Variants in LDHD observed in about 807,000 individuals in gnomAD.
LDHD encodes the protein lactate dehydrogenase D, also known as D-lactate dehydrogenase, mitochondrial.
A neutral mutation model predicts 52.9 loss-of-function variants in LDHD; 58 were observed. The ratio of observed to expected loss-of-function variants is 1.10; its 90% CI spans 0.89 to 1.36. The LOEUF is 1.36. Among genes scored for constraint, LDHD ranks in the 40% most tolerant of loss-of-function variants. LDHD has a pLI of 0.00. For missense variants in LDHD, 747 were observed against 668.0 expected (o/e 1.12, Z -1.30); for synonymous variants, 350 against 288.6 (o/e 1.21, Z -2.16).
chr16:75,113,049 C>A, intron 8 of LDHD, 125 bp from the exon 9 acceptor site: 1 of 700,884 alleles, frequency 1.4e-6, no homozygotes, highest in East Asian at 2.7e-5. Context: ...AGGAAATAAT[C>A]CTGCTCTTCT....
In LDHD at chr16:75,113,525, C is replaced by T. The variant is rs373842639; in HGVS notation, c.1086+10G>A. 1.9e-6 allele frequency: 3 copies of T among 1,601,112 alleles called. No homozygotes were observed. Among genetic ancestry groups the T allele is most frequent in the Non-Finnish European group, 1.7e-6 (2 of 1,174,416 alleles). On this transcript the variant is annotated intron_variant, in intron 8 of 10. Coordinates refer to ENST00000450168, the MANE Select transcript of LDHD (RefSeq NM_194436.3). ...CTGTGGGCCCCATCTGTACCCCAGC[C>T]CCAGCTCACCTTGCAGCCTGGCCGC...
At chr16:75,116,332 G>C (rs191964354) in intron 1 of LDHD, among the ~76,000 whole-genome samples, 1 of 152,222 alleles carries the variant, frequency 6.6e-6, no homozygotes, top group Non-Finnish European at 1.5e-5. Context: ...TTACAGATGA[G>C]AAATGGAGGC....
chr16:75,114,667 G>A lies in LDHD; in HGVS notation c.488C>T (p.Ser163Phe). The A allele has an allele frequency of 6.5e-7, 1 of 1,533,506 alleles. No individual in the cohort carries two copies. The highest frequency in any genetic ancestry group is 1.2e-5 in the South Asian group (1 of 84,104). 95.0% of individuals were successfully genotyped at this position (1,533,506 alleles called of 1,614,324 possible). A position where few individuals can be genotyped will look rare whatever the true frequency, so the allele number is the denominator to read the frequency against. Residue 163 changes from serine (S) to phenylalanine (F), a missense_variant, in exon 5 of 11, where the codon TCT becomes TTT. Ser to Phe is a radical substitution (Grantham distance 155, BLOSUM62 -2). Coordinates refer to ENST00000450168, the MANE Select transcript of LDHD (RefSeq NM_194436.3). ...WFPVDPGADA[S>F]LCGMAATGAS... ...CCCGGTGGCCGCCATGCCACAGAGAGAGGCGTCCGCGCCTGGGTCTGGAGG... is the reference window on the plus strand; with the variant it reads ...CCCGGTGGCCGCCATGCCACAGAGAAAGGCGTCCGCGCCTGGGTCTGGAGG...
rs746140325 is a variant in LDHD, at chr16:75,112,384, C to T, written c.1427G>A (p.Gly476Asp). The change falls in exon 11 of 11, where the codon GGC becomes GAC. Residue 476 changes from glycine to aspartate, a missense_variant. Transcript: ENST00000450168. ...RQLKAVLDPQ[G>D]LMNPGKVL ...CAGCACTTTGCCTGGATTCATGAGG[C>T]CTTGGGGGTCTAGCACGGCCTTGAG... The T allele has an allele frequency of 1.9e-6, 3 of 1,613,254 alleles. No individual in the cohort carries two copies. Among genetic ancestry groups the T allele is most frequent in the East Asian group, 4.5e-5 (2 of 44,874 alleles).
At chr16:75,114,213 G>A (rs763648113) in intron 5 of LDHD, 48 bp from the exon 6 acceptor site, 2 of 1,602,492 alleles carry the variant, frequency 1.2e-6, no homozygotes, top group Non-Finnish European at 8.5e-7. Flanking sequence ...TGTGATGAGG[G>A]ATTTCTGGCC....
Position 75,112,584 on chromosome 16 carries a change from C to A in LDHD, c.1289+18G>T. 6.2e-7 allele frequency: 1 copy of A among 1,613,948 alleles called. No homozygotes were observed. Among genetic ancestry groups the A allele is most frequent in the East Asian group, 2.2e-5 (1 of 44,878 alleles). On this transcript the variant is annotated intron_variant, in intron 10 of 10. Coordinates refer to ENST00000450168, the MANE Select transcript of LDHD (RefSeq NM_194436.3). Reference sequence around the variant, plus strand: ...TTCCTCTGCCCTCAGCTCTTCCCCTCCCTGGCTTTGCTCCTACCTGCCCAG... The same window carrying A: ...TTCCTCTGCCCTCAGCTCTTCCCCTACCTGGCTTTGCTCCTACCTGCCCAG...
In LDHD at chr16:75,114,614, C is replaced by T; in HGVS notation, c.541G>A (p.Gly181Ser). Reference sequence around the variant, plus strand: ...TTGAGCACGTTGTCCCGCATGGTGCCGTAGCGGACCGCGTTGGTCCCCGAC... The same window carrying T: ...TTGAGCACGTTGTCCCGCATGGTGCTGTAGCGGACCGCGTTGGTCCCCGAC... ...GASGTNAVRY[G>S]TMRDNVLNLE... Residue 181 changes from glycine (G) to serine (S), a missense_variant, in exon 5 of 11, where the codon GGC becomes AGC. Transcript: ENST00000450168. The T allele has an allele frequency of 2.0e-6, 3 of 1,534,168 alleles. No homozygotes were observed. Among genetic ancestry groups the T allele is most frequent in the Non-Finnish European group, 2.6e-6 (3 of 1,144,546 alleles).
intron 1 of LDHD, among the ~76,000 whole-genome samples, chr16:75,116,002 C>T (rs1480983644): frequency 6.6e-6 from 1 of 152,178 alleles, no homozygotes; most frequent in Non-Finnish European, 1.5e-5. Context: ...GCCTCGGCCT[C>T]CCAAAGTGCT....
chr16:75,114,407 A>C, intron 5 of LDHD, 119 bp downstream of exon 5: 1 of 1,357,988 alleles, frequency 7.4e-7, no homozygotes, highest in Non-Finnish European at 9.8e-7. Context: ...AGCCTGAGGA[A>C]GCCTAGCCTG....
rs1430261624 is a variant in LDHD, at chr16:75,112,705, C to T, written c.1186G>A (p.Val396Ile). Residue 396 changes from valine (V) to isoleucine (I), a missense_variant, in exon 10 of 11, where the codon GTC (valine) becomes ATC (isoleucine). By Grantham distance (29) the Val-to-Ile change is conservative (BLOSUM62 3). Transcript: ENST00000450168. ...LNASGLTGSI[V>I]GHVGDGNFHC... is the part of the protein sequence containing the mutation. ...AAGTTGCCGTCACCCACATGCCCGA[C>T]AATGCTTCCTGGGGGCCCAGAGGAC... The T allele has an allele frequency of 6.2e-7, 1 of 1,613,900 alleles. No homozygotes were observed. Among genetic ancestry groups the T allele is most frequent in the South Asian group, 1.1e-5 (1 of 91,088 alleles).
At position 75,114,651 on chromosome 16, in the gene LDHD, C is replaced by T. The variant is rs771541536; in HGVS notation, c.504G>A (p.Ala168=). Residue 168 remains alanine (A), a synonymous_variant, in exon 5 of 11, where the codon GCG becomes GCA. Coordinates refer to ENST00000450168, the MANE Select transcript of LDHD (RefSeq NM_194436.3). ...CGTTGGTCCCCGACGCCCCGGTGGC[C>T]GCCATGCCACAGAGAGAGGCGTCCG... ...PGADASLCGM[A]ATGASGTNAV... is the part of the protein sequence containing the mutation. 2.6e-6 allele frequency: 4 copies of T among 1,531,008 alleles called. No homozygotes were observed. Among genetic ancestry groups the T allele is most frequent in the South Asian group, 1.2e-5 (1 of 84,014 alleles). The allele number at this position is 1,531,008 out of a possible 1,614,324, so 94.8% of individuals were successfully genotyped here.
Position 75,114,097 on chromosome 16 carries a change from G to T in LDHD, c.698C>A (p.Thr233Lys). 1 of 1,612,104 alleles carries T rather than the reference G, an allele frequency of 6.2e-7. No homozygotes were observed. Residue 233 changes from threonine to lysine, a missense_variant, in exon 6 of 11, where the codon ACA (threonine) becomes AAA (lysine). Thr to Lys is a moderately conservative substitution (Grantham distance 78, BLOSUM62 -1). Coordinates refer to ENST00000450168, the MANE Select transcript of LDHD (RefSeq NM_194436.3). The part of the protein sequence containing the change: ...VGSEGTLGLI[T>K]ATTLRLHPAP... ...AGGGTGCAGGCGCAGGGTGGTGGCT[G>T]TGATGAGGCCCAGCGTCCCCTCGGA...
At chr16:75,115,401 G>C (rs954688542) in intron 2 of LDHD, 62 bp from the exon 3 acceptor site, 18 of 1,606,524 alleles carry the variant, frequency 1.1e-5, no homozygotes, top group Admixed American at 3.3e-5. Flanking sequence ...AGGTGTTGCA[G>C]GGCCTGAGGC....
Position 75,114,086 on chromosome 16 carries a change from G to A in LDHD, c.709C>T (p.Leu237=), listed in dbSNP as rs760944694. Residue 237 remains leucine, a synonymous_variant, in exon 6 of 11, where the codon CTG becomes TTG. Transcript: ENST00000450168. The stretch of plus-strand genomic sequence containing the variant: ...GCCTCAGGGGCAGGGTGCAGGCGCA[G>A]GGTGGTGGCTGTGATGAGGCCCAGC... ...GTLGLITATT[L]RLHPAPEATV... The A allele has an allele frequency of 1.9e-6, 3 of 1,611,848 alleles. No homozygotes were observed. In the Admixed American group the frequency reaches 5.0e-5, roughly 27 times the overall value.
chr16:75,113,510 C>T (rs2036456257), intron 8 of LDHD, 25 bp downstream of exon 8: 2 of 1,592,618 alleles, frequency 1.3e-6, no homozygotes, highest in Admixed American at 1.7e-5. Flanking sequence ...CTGTGGGCCC[C>T]ATCTGTACCC....
intron 8 of LDHD, 88 bp downstream of exon 8, chr16:75,113,447 C>T (rs1401764011): frequency 1.4e-6 from 2 of 1,467,302 alleles, no homozygotes; most frequent in Non-Finnish European, 1.8e-6. Context: ...GAGGCTCAGC[C>T]TGCTGCTCTG....
rs138995373 is a variant in LDHD at position 75,112,439 on chromosome 16, C to G, written c.1372G>C (p.Gly458Arg). 1 of 1,613,360 alleles carries G rather than the reference C, an allele frequency of 6.2e-7. No individual in the cohort carries two copies. Among genetic ancestry groups the G allele is most frequent in the Non-Finnish European group, 8.5e-7 (1 of 1,180,030 alleles). ...GKRQLLQEEV[G>R]AVGVETMRQL... ...CGCATGGTCTCCACGCCCACGGCGC[C>G]CACCTCCTCCTGCAGCAGCTGCCGC... The change falls in exon 11 of 11, where the codon GGC (glycine) becomes CGC (arginine). Residue 458 changes from glycine (G) to arginine (R), a missense_variant. Coordinates refer to ENST00000450168, the MANE Select transcript of LDHD (RefSeq NM_194436.3).
Position 75,115,472 on chromosome 16 carries a change from A to T in LDHD, c.185+76T>A, listed in dbSNP as rs1447928432. The T allele has an allele frequency of 5.7e-6, 9 of 1,581,940 alleles. No homozygotes were observed. The Admixed American group carries it at 1.5e-4, about 27-fold the overall frequency. On this transcript the variant is annotated intron_variant, in intron 2 of 10. Coordinates refer to ENST00000450168, the MANE Select transcript of LDHD (RefSeq NM_194436.3). ...CCCCAAAACAGATGAGTGAGGAGGA[A>T]GGCAACCCAGCACCCTCTCTCTCAG...
intron 5 of LDHD, 29 bp downstream of exon 5, chr16:75,114,497 A>G (rs2036489778): frequency 6.8e-7 from 1 of 1,477,636 alleles, no homozygotes; most frequent in South Asian, 1.3e-5. Flanking sequence ...CCAGGGCCAG[A>G]GCCCGGGCCC....
Sources: allele counts gnomAD v4.1 joint callset (sites outside exome capture counted in the v4.1 genomes callset), GRCh38; gene constraint gnomAD v4.1.1; transcripts MANE v1.5; gene names NCBI Gene and HGNC (gene_info 2026-07-23, HGNC 2026-07-21).